The following TTC28 variants were observed in gnomAD, a reference collection of about 807,000 sequenced individuals.
TTC28 encodes tetratricopeptide repeat protein 28.
TTC28 carries 61 observed loss-of-function variants against 198.0 expected under a neutral mutation model. The observed-to-expected ratio is 0.31, with a 90% CI of 0.25 to 0.38. The LOEUF (loss-of-function observed/expected upper bound fraction) is 0.38, where lower values mean the gene tolerates loss of function less well. Among genes scored for constraint, TTC28 ranks in the 10% least tolerant of loss-of-function variants. The probability of loss-of-function intolerance (pLI) is 1.00; values close to 1 mark genes in which losing one functional copy is unlikely to be tolerated. For synonymous variants in TTC28, 1,171 were observed against 1,297.8 expected (o/e 0.90, Z 2.10); for missense variants, 2,678 against 3,164.0 (o/e 0.85, Z 3.69).
intron 13 of TTC28, among the ~76,000 whole-genome samples, chr22:28,028,646 C>T (rs1361203163): frequency 6.6e-6 from 1 of 152,210 alleles, no homozygotes; most frequent in Admixed American, 6.5e-5. Context: ...GAGGCTACAA[C>T]CCAAGATGGC....
intron 2 of TTC28, among the ~76,000 whole-genome samples, chr22:28,349,985 C>T (rs1470726238): frequency 6.6e-6 from 1 of 152,108 alleles, no homozygotes; most frequent in African/African-American, 2.4e-5. Context: ...AACTCATGTA[C>T]AAAACTCGCA....
chr22:28,471,981 C>T (rs2048101922), intron 2 of TTC28, among the ~76,000 whole-genome samples: 1 of 152,072 alleles, frequency 6.6e-6, no homozygotes, highest in Non-Finnish European at 1.5e-5. Flanking sequence ...ATCTTTGAAT[C>T]TTCAACATTT....
At chr22:28,179,324 TA>T (rs1339805472) in intron 5 of TTC28, among the ~76,000 whole-genome samples, 2 of 152,008 alleles carry the variant, frequency 1.3e-5, no homozygotes, top group East Asian at 3.9e-4. Flanking sequence ...CATGCACAGC[TA>T]ATTTTTTTTT....
chr22:28,372,259 T>C (rs768152217), intron 2 of TTC28, among the ~76,000 whole-genome samples: 1 of 152,156 alleles, frequency 6.6e-6, no homozygotes, highest in African/African-American at 2.4e-5. Context: ...ATTTAAGAGG[T>C]AGTACCCATC....
chr22:28,268,424 T>C (rs527418947), intron 5 of TTC28, among the ~76,000 whole-genome samples: 1 of 152,332 alleles, frequency 6.6e-6, no homozygotes, highest in South Asian at 2.1e-4. Flanking sequence ...TCTTTTCATC[T>C]AGGTCACTGA....
At chr22:28,190,797 C>A (rs1006728504) in intron 5 of TTC28, among the ~76,000 whole-genome samples, 1 of 152,206 alleles carries the variant, frequency 6.6e-6, no homozygotes, top group Non-Finnish European at 1.5e-5. Context: ...CACTCTTCTG[C>A]AGTACTGCCT....
At chr22:28,659,182 A>T (rs141455014) in intron 1 of TTC28, among the ~76,000 whole-genome samples, 182 of 152,376 alleles carry the variant, frequency 1.2e-3, no homozygotes, top group Non-Finnish European at 2.2e-3. Flanking sequence ...GCTAAAAACA[A>T]GAACAAACAA....
intron 5 of TTC28, among the ~76,000 whole-genome samples, chr22:28,275,747 A>AAAAAAG (rs1214619226): frequency 6.6e-6 from 1 of 152,038 alleles, no homozygotes; most frequent in Non-Finnish European, 1.5e-5. Context: ...TTAAACAAAA[A>AAAAAAG]AAAAAGAAAA....
chr22:28,477,874 TGTG>T (rs1404503592), intron 2 of TTC28, among the ~76,000 whole-genome samples: 2 of 152,178 alleles, frequency 1.3e-5, no homozygotes, highest in Non-Finnish European at 2.9e-5. Context: ...GGAAAAGACA[TGTG>T]GGACAAAATC....
At chr22:28,391,381 G>A (rs1176489159) in intron 2 of TTC28, among the ~76,000 whole-genome samples, 1 of 152,134 alleles carries the variant, frequency 6.6e-6, no homozygotes, top group African/African-American at 2.4e-5. Flanking sequence ...GAATCTGAAT[G>A]TTGGCCTGCC....
chr22:28,324,306 GT>G (rs767914371), intron 2 of TTC28, among the ~76,000 whole-genome samples: 16 of 151,846 alleles, frequency 1.1e-4, no homozygotes, highest in Non-Finnish European at 2.1e-4. Context: ...TCTACCAAAG[GT>G]ACATAGAGGA....
intron 2 of TTC28, among the ~76,000 whole-genome samples, chr22:28,446,026 A>G (rs2047695627): frequency 6.6e-6 from 1 of 152,238 alleles, no homozygotes; most frequent in Non-Finnish European, 1.5e-5. Flanking sequence ...GTTGAATAAA[A>G]CAATAAAAGA....
At chr22:28,675,738 C>CACACAG (rs1316547241) in intron 1 of TTC28, among the ~76,000 whole-genome samples, 1 of 125,332 alleles carries the variant, frequency 8.0e-6, no homozygotes, top group Non-Finnish European at 1.7e-5. Flanking sequence ...AACCCTGTCA[C>CACACAG]ACACACACAC....
intron 2 of TTC28, among the ~76,000 whole-genome samples, chr22:28,336,618 AT>A (rs1240904124): frequency 6.6e-5 from 10 of 151,086 alleles, no homozygotes; most frequent in African/African-American, 2.2e-4. Context: ...TTTCTAGTTT[AT>A]TTGCGTAGAG....
intron 1 of TTC28, among the ~76,000 whole-genome samples, chr22:28,654,926 A>G (rs1334886083): frequency 6.6e-6 from 1 of 152,234 alleles, no homozygotes; most frequent in Admixed American, 6.5e-5. Context: ...ATAGAGCAGA[A>G]CAGCTTTTTA....
At chr22:28,650,990 G>A (rs1380337617) in intron 1 of TTC28, among the ~76,000 whole-genome samples, 1 of 152,228 alleles carries the variant, frequency 6.6e-6, no homozygotes, top group Non-Finnish European at 1.5e-5. Flanking sequence ...CTGGAACACA[G>A]CCATATCCAT....
intron 5 of TTC28, among the ~76,000 whole-genome samples, chr22:28,226,598 T>C (rs144893784): frequency 2.5e-3 from 375 of 152,244 alleles, no homozygotes; most frequent in Admixed American, 5.0e-3. Context: ...GGCTAATTTG[T>C]GTATTTTTTG....
intron 3 of TTC28, among the ~76,000 whole-genome samples, chr22:28,299,014 T>C (rs2044960094): frequency 2.0e-5 from 3 of 152,214 alleles, no homozygotes; most frequent in Admixed American, 6.5e-5. Context: ...TATTTTCATA[T>C]GGTATTAAAA....
At chr22:28,537,293 A>AAAAAT (rs58235209) in intron 2 of TTC28, among the ~76,000 whole-genome samples, 5,557 of 110,282 alleles carry the variant, frequency 0.05, 323 homozygotes, top group Non-Finnish European at 0.063. Flanking sequence ...ACTCCGTCTC[A>AAAAAT]AAAATAAAAT....
Sources: gnomAD v4.1 joint callset for allele counts (sites outside exome capture counted in the v4.1 genomes callset) on GRCh38, gnomAD v4.1.1 for gene constraint, MANE v1.5 for transcripts, NCBI Gene and HGNC (gene_info 2026-07-23, HGNC 2026-07-21) for gene names.